PISD: variants seen among roughly 807,000 people sequenced by gnomAD.
PISD encodes the protein phosphatidylserine decarboxylase.
PISD carries 31 observed loss-of-function variants against 43.5 expected under a neutral mutation model. That is an observed-to-expected ratio of 0.71 (90% CI 0.54 to 0.96). The LOEUF is 0.96. Ranked by LOEUF, PISD falls within the 40% of genes least tolerant of loss-of-function variation. PISD has a pLI of 0.00. For synonymous variants in PISD, 259 were observed against 228.7 expected (o/e 1.13, Z -1.20); for missense variants, 523 against 548.4 (o/e 0.95, Z 0.46).
intron 3 of PISD, among the ~76,000 whole-genome samples, chr22:31,637,598 G>A (rs1041209658): frequency 3.9e-5 from 6 of 152,040 alleles, no homozygotes; most frequent in South Asian, 2.1e-4. Context: ...GGACGTGCAT[G>A]TCACTTTACT....
chr22:31,647,175 G>A (rs2073909516), intron 3 of PISD, among the ~76,000 whole-genome samples: 1 of 152,212 alleles, frequency 6.6e-6, no homozygotes, highest in African/African-American at 2.4e-5. Context: ...TAGATAAACT[G>A]TTAGAGCTGG....
chr22:31,635,392 TC>T (rs1159441283), intron 3 of PISD, among the ~76,000 whole-genome samples: 2 of 151,682 alleles, frequency 1.3e-5, no homozygotes, highest in Non-Finnish European at 2.9e-5. Context: ...AACCTCTGCC[TC>T]CCGGGTTCAA....
intron 3 of PISD, among the ~76,000 whole-genome samples, chr22:31,644,064 AC>A (rs1406091637): frequency 6.6e-6 from 1 of 151,436 alleles, no homozygotes; most frequent in East Asian, 1.9e-4. Context: ...AAAAACAAAA[AC>A]AAAAACAAAA....
chr22:31,621,570 AC>A lies in PISD; in HGVS notation c.558+78del, dbSNP rs778522674. Reference sequence around the variant, plus strand: ...CCTTGTCATCCTGCCCCTTCCAGATACGCTGGAGACCAGGGGGGCTGTGCTG... The same window carrying A: ...CCTTGTCATCCTGCCCCTTCCAGATAGCTGGAGACCAGGGGGGCTGTGCTG... On this transcript the variant is annotated intron_variant, in intron 4 of 7. Transcript: ENST00000439502. 277 of 1,594,348 alleles carry A rather than the reference AC, an allele frequency of 1.7e-4. No individual in the cohort carries two copies. In the African/African-American group the frequency reaches 3.3e-3, roughly 19 times the overall value.
Position 31,619,815 on chromosome 22 carries a change from T to C in PISD, c.1027A>G (p.Arg343Gly). The stretch of plus-strand genomic sequence containing the variant: ...TCATTGTAGGAGCCCTTGCTGTGCC[T>C]TGGGCTGTTTGTGTGCAGGTCCTGT... ...FDRDLHTNSP[R>G]HSKGSYNDFS... is the part of the protein sequence containing the mutation. Residue 343 changes from arginine to glycine, a missense_variant, in exon 8 of 8, where the codon AGG (arginine) becomes GGG (glycine). By Grantham distance (125) the Arg-to-Gly change is moderately radical. Transcript: ENST00000439502. The C allele has an allele frequency of 6.2e-7, 1 of 1,613,630 alleles. No individual in the cohort carries two copies. Among genetic ancestry groups the C allele is most frequent in the South Asian group, 1.1e-5 (1 of 91,038 alleles).
Position 31,630,975 on chromosome 22 carries a change from C to A in PISD, c.322-9090G>T, listed in dbSNP as rs62237844. On this transcript the variant is annotated intron_variant, in intron 3 of 7. Transcript: ENST00000439502. The surrounding 1 kb of genome is among the most constrained non-coding windows in gnomAD (Gnocchi z 4.4). ...GCTGCCGCCCCCTCTGAGCCCCAGT[C>A]CTGCTGGGCCGTCCGCCCAACCCGA... is the stretch of plus-strand genomic sequence containing the variant. The A allele has an allele frequency of 0.06, 34,361 of 572,098 alleles. 1,019 individuals carry two copies. Among genetic ancestry groups the A allele is most frequent in the Non-Finnish European group, 0.064 (28,732 of 451,942 alleles). 35.4% of individuals were successfully genotyped at this position (572,098 alleles called of 1,614,324 possible).
chr22:31,637,161 AAAAATATATATATATATATATATATAT>A (rs1272524282), intron 3 of PISD, among the ~76,000 whole-genome samples: 1,386 of 23,316 alleles, frequency 0.059, 55 homozygotes, highest in South Asian at 0.13. Context: ...AAAAAAAAAA[AAAAATATATATATATATATATATATAT>A]ATATATATAT....
chr22:31,622,015 T>G (rs1368826553), intron 3 of PISD, 130 bp from the exon 4 acceptor site: 4 of 676,604 alleles, frequency 5.9e-6, no homozygotes, highest in African/African-American at 5.4e-5. Flanking sequence ...AGGGCCCAGG[T>G]GCCCCACGCT....
chr22:31,655,820 A>ACACTAAAAAACCCT (rs1451032022), intron 1 of PISD, among the ~76,000 whole-genome samples: 1 of 151,698 alleles, frequency 6.6e-6, no homozygotes, highest in Non-Finnish European at 1.5e-5. Context: ...TTTTTTTAGT[A>ACACTAAAAAACCCT]GAGACAGGGT....
rs1357750917 is a variant in PISD at position 31,637,137 on chromosome 22, ATAAATT to A, written c.321+10958_321+10963del. The stretch of plus-strand genomic sequence containing the variant: ...ACTCTACAAAAAAAAATAATAATAA[ATAAATT>A]AAAAAAAAAAAAAAAAAAAAAATAT... On this transcript the variant is annotated intron_variant, in intron 3 of 7. Transcript: ENST00000439502. 4.3e-3 allele frequency among the ~76,000 whole-genome samples: 277 copies of A among 63,870 alleles called. 2 individuals are homozygous for A. The highest frequency in any genetic ancestry group is 0.015 in the African/African-American group (261 of 16,916). 41.9% of individuals were successfully genotyped at this position (63,870 alleles called of 152,430 possible). A position where few individuals can be genotyped will look rare whatever the true frequency, so the allele number is the denominator to read the frequency against.
At chr22:31,656,145 A>G (rs896403116) in intron 1 of PISD, among the ~76,000 whole-genome samples, 1 of 151,916 alleles carries the variant, frequency 6.6e-6, no homozygotes, top group African/African-American at 2.4e-5. Flanking sequence ...AATACAAAAA[A>G]CTAGCCAGCC....
chr22:31,621,652 G>A lies in PISD; in HGVS notation c.555C>T (p.Ser185=), dbSNP rs373804718. 11 of 1,611,858 alleles carry A rather than the reference G, an allele frequency of 6.8e-6. No individual in the cohort carries two copies. The highest frequency in any genetic ancestry group is 1.7e-4 in the Middle Eastern group (1 of 6,054). ...PQARPVCGLH[S]VISPSDGRIL... ...GGAGGAAAGGGTCAGGCCTCACCAC[G>A]CTGTGCAGGCCACAGACAGGCCGGG... Residue 185 remains serine, a synonymous_variant, in exon 4 of 8, where the codon AGC becomes AGT. Transcript: ENST00000439502.
rs188323689 is a variant in PISD at position 31,651,028 on chromosome 22, A to G, written c.66-250T>C. 3.3e-5 allele frequency among the ~76,000 whole-genome samples: 5 copies of G among 152,214 alleles called. No individual in the cohort carries two copies. The East Asian group carries it at 7.7e-4, about 23-fold the overall frequency. On this transcript the variant is annotated intron_variant, in intron 1 of 7. Transcript: ENST00000439502. ...ACCCAGGCTAGAGTGCAGTGCCGCA[A>G]TCTTGGCTCACTCCAACCTCTGCCT...
chr22:31,642,144 C>A (rs1307378975), intron 3 of PISD, among the ~76,000 whole-genome samples: 1 of 151,238 alleles, frequency 6.6e-6, no homozygotes, highest in Non-Finnish European at 1.5e-5. Flanking sequence ...GACTTCAGGA[C>A]CTGGGCGCCT....
At chr22:31,625,641 G>T in intron 3 of PISD, 2 of 1,286,742 alleles carry the variant, frequency 1.6e-6, no homozygotes, top group South Asian at 1.3e-5. Context: ...CTCCAGCCTC[G>T]GGGGCTGACC....
Position 31,643,164 on chromosome 22 carries a change from G to A in PISD, c.321+4937C>T, listed in dbSNP as rs969304850. On this transcript the variant is annotated intron_variant, in intron 3 of 7. Transcript: ENST00000439502. Reference sequence around the variant, plus strand: ...GAAGTGAATGCATAAAAAACAAAGCGCATGATTAAGCAATCACAGTCACAT... The same window carrying A: ...GAAGTGAATGCATAAAAAACAAAGCACATGATTAAGCAATCACAGTCACAT... Among the ~76,000 whole-genome samples, 11 of 151,346 alleles carry A rather than the reference G, an allele frequency of 7.3e-5. 1 individual carries two copies. Among genetic ancestry groups the A allele is most frequent in the Admixed American group, 3.3e-4 (5 of 15,146 alleles).
intron 3 of PISD, among the ~76,000 whole-genome samples, chr22:31,628,484 C>G (rs1298754810): frequency 6.6e-6 from 1 of 152,212 alleles, no homozygotes; most frequent in Non-Finnish European, 1.5e-5. Context: ...CCTTCTAAGC[C>G]TCAAAGACAT....
chr22:31,656,686 A>AAAT, intron 1 of PISD, among the ~76,000 whole-genome samples: 1 of 152,036 alleles, frequency 6.6e-6, no homozygotes, highest in East Asian at 2.0e-4. Context: ...ATAAATAAAC[A>AAAT]AAACAGAAAG....
intron 3 of PISD, among the ~76,000 whole-genome samples, chr22:31,644,388 C>T (rs1312337627): frequency 6.6e-6 from 1 of 151,484 alleles, no homozygotes; most frequent in Non-Finnish European, 1.5e-5. Context: ...TACAGGCGCC[C>T]GCCACCATGC....
Sources: gnomAD v4.1 joint callset for allele counts (sites outside exome capture counted in the v4.1 genomes callset) on GRCh38, gnomAD v4.1.1 for gene constraint, Gnocchi (gnomAD v3.1) non-coding constraint, MANE v1.5 for transcripts, NCBI Gene and HGNC (gene_info 2026-07-23, HGNC 2026-07-21) for gene names.